TRPM3: variants seen among roughly 807,000 people sequenced by gnomAD.
TRPM3 encodes transient receptor potential cation channel subfamily M member 3, also known as long transient receptor potential channel 3.
TRPM3 carries 77 observed loss-of-function variants against 181.2 expected under a neutral mutation model. The observed-to-expected ratio is 0.42, with a 90% CI of 0.35 to 0.51. The LOEUF (loss-of-function observed/expected upper bound fraction) is 0.51, where lower values mean the gene tolerates loss of function less well. Ranked by LOEUF, TRPM3 falls within the 20% of genes least tolerant of loss-of-function variation. The pLI, the probability that TRPM3 is intolerant of heterozygous loss-of-function variation, is 0.01. For missense variants in TRPM3, 1,759 were observed against 2,196.7 expected (o/e 0.80, Z 3.98); for synonymous variants, 745 against 796.4 (o/e 0.94, Z 1.09).
intron 1 of TRPM3, among the ~76,000 whole-genome samples, chr9:71,242,285 G>A (rs2081751848): frequency 6.6e-6 from 1 of 152,122 alleles, no homozygotes; most frequent in African/African-American, 2.4e-5. Flanking sequence ...GCAGATGACG[G>A]CATGATCTAC....
chr9:71,048,138 A>G (rs1378606368), intron 1 of TRPM3, among the ~76,000 whole-genome samples: 1 of 152,230 alleles, frequency 6.6e-6, no homozygotes, highest in Admixed American at 6.5e-5. Flanking sequence ...TGGCAAAACC[A>G]CAATTACTTT....
chr9:71,446,543 T>C lies in TRPM3; in HGVS notation c.183+110A>G, dbSNP rs1282472826. The C allele has an allele frequency of 7.0e-6, 8 of 1,139,714 alleles. No individual in the cohort carries two copies. In the East Asian group the frequency reaches 1.4e-4, roughly 20 times the overall value. 70.6% of individuals were successfully genotyped at this position (1,139,714 alleles called of 1,614,324 possible). ...TTTCATTAGAAGCGGCGCCACAAGTTCCCTGGCTCTCACCCTTAGGGAGGC... is the reference window on the plus strand; with the variant it reads ...TTTCATTAGAAGCGGCGCCACAAGTCCCCTGGCTCTCACCCTTAGGGAGGC... On this transcript the variant is annotated intron_variant, in intron 1 of 24. Coordinates refer to the TRPM3 transcript ENST00000357533.
intron 1 of TRPM3, among the ~76,000 whole-genome samples, chr9:70,944,762 C>T (rs993435205): frequency 6.6e-6 from 1 of 152,006 alleles, no homozygotes; most frequent in Admixed American, 6.6e-5. Flanking sequence ...GCCAGAAGGA[C>T]AACATTTATA....
chr9:71,059,335 T>A (rs192076827), intron 1 of TRPM3, among the ~76,000 whole-genome samples: 1 of 151,980 alleles, frequency 6.6e-6, no homozygotes, highest in East Asian at 1.9e-4. Flanking sequence ...CAAGTCAGTA[T>A]AGTCTGGCTA....
chr9:71,400,623 AT>A (rs1403951972), intron 1 of TRPM3, among the ~76,000 whole-genome samples: 1 of 152,084 alleles, frequency 6.6e-6, no homozygotes, highest in Non-Finnish European at 1.5e-5. Context: ...AATTTTCAAA[AT>A]TAAATTTTTT....
intron 1 of TRPM3, among the ~76,000 whole-genome samples, chr9:71,031,736 C>T (rs2057327633): frequency 1.3e-5 from 2 of 150,796 alleles, no homozygotes; most frequent in South Asian, 4.2e-4. Flanking sequence ...AAGGCTGGAG[C>T]CATTGGGGTA....
intron 1 of TRPM3, among the ~76,000 whole-genome samples, chr9:71,348,521 T>G (rs551131290): frequency 9.1e-4 from 138 of 151,114 alleles, no homozygotes; most frequent in Non-Finnish European, 1.7e-3. Flanking sequence ...GTTTGGTAGT[T>G]GACTTTTCTG....
chr9:71,224,770 C>A (rs1352024283), intron 1 of TRPM3, among the ~76,000 whole-genome samples: 1 of 151,564 alleles, frequency 6.6e-6, no homozygotes, highest in Non-Finnish European at 1.5e-5. Context: ...CAGAGCAAGA[C>A]CCTGTCTCTA....
At chr9:71,106,445 C>G (rs2069594642) in intron 1 of TRPM3, among the ~76,000 whole-genome samples, 1 of 152,108 alleles carries the variant, frequency 6.6e-6, no homozygotes, top group Admixed American at 6.6e-5. Context: ...CACCTCCTCC[C>G]TCACTTTCTT....
At chr9:71,433,794 C>T (rs538163740) in intron 1 of TRPM3, among the ~76,000 whole-genome samples, 1 of 152,258 alleles carries the variant, frequency 6.6e-6, no homozygotes, top group South Asian at 2.1e-4. Flanking sequence ...CTTCACATCC[C>T]CTAGCTCTTT....
intron 9 of TRPM3, among the ~76,000 whole-genome samples, chr9:70,672,596 G>T (rs1056664376): frequency 6.6e-6 from 1 of 152,136 alleles, no homozygotes; most frequent in Non-Finnish European, 1.5e-5. Flanking sequence ...ATATTCCACT[G>T]ATGCTCTAAC....
chr9:70,888,697 C>G (rs530345716), intron 1 of TRPM3, among the ~76,000 whole-genome samples: 1 of 152,064 alleles, frequency 6.6e-6, no homozygotes, highest in Non-Finnish European at 1.5e-5. Context: ...TACTTTGGCT[C>G]AGCAGAGGTG....
chr9:70,883,178 A>G (rs2096024464), intron 1 of TRPM3, among the ~76,000 whole-genome samples: 1 of 152,086 alleles, frequency 6.6e-6, no homozygotes, highest in South Asian at 2.1e-4. Context: ...TCACCTCCAC[A>G]CCCATCCCCA....
chr9:70,971,644 G>A (rs767781538), intron 1 of TRPM3, among the ~76,000 whole-genome samples: 9 of 152,062 alleles, frequency 5.9e-5, no homozygotes, highest in Non-Finnish European at 1.2e-4. Flanking sequence ...TGTGCTCTAT[G>A]AAAAAATGAG....
intron 1 of TRPM3, among the ~76,000 whole-genome samples, chr9:70,923,959 CAT>C (rs551360285): frequency 2.0e-5 from 3 of 150,606 alleles, no homozygotes; most frequent in Non-Finnish European, 4.4e-5. Flanking sequence ...CACACACACA[CAT>C]ATATATATAC....
At chr9:71,158,231 T>A (rs35795507) in intron 1 of TRPM3, among the ~76,000 whole-genome samples, 29,934 of 152,058 alleles carry the variant, frequency 0.2, 3,082 homozygotes, top group African/African-American at 0.26. Context: ...CCCCAACAAC[T>A]CTGGAAGGTT....
Position 71,050,799 on chromosome 9 carries a change from C to T in TRPM3, c.177+70379G>A, listed in dbSNP as rs559349309. On this transcript the variant is annotated intron_variant, in intron 1 of 25. Transcript: ENST00000677713. ...CTGAATGAACTAACAGTAATCACAG[C>T]CCTCATCTTGGCCTCTCTTCAAATA... Among the ~76,000 whole-genome samples, 10 of 152,342 alleles carry T rather than the reference C, an allele frequency of 6.6e-5. No individual in the cohort carries two copies. In the South Asian group the frequency reaches 1.9e-3, roughly 28 times the overall value.
At chr9:70,537,488 C>T (rs542929041) in intron 25 of TRPM3, 83 bp from the exon 26 acceptor site, 1 of 1,272,852 alleles carries the variant, frequency 7.9e-7, no homozygotes, top group African/African-American at 1.5e-5. Flanking sequence ...GGGATCACAG[C>T]TGTGCCTGAC....
At chr9:71,398,012 C>T (rs903577785) in intron 1 of TRPM3, among the ~76,000 whole-genome samples, 2 of 152,150 alleles carry the variant, frequency 1.3e-5, no homozygotes, top group African/African-American at 2.4e-5. Flanking sequence ...CAGTTTAGAC[C>T]GTGCCATTTG....
Sources: gnomAD v4.1 joint callset for allele counts (sites outside exome capture counted in the v4.1 genomes callset) on GRCh38, gnomAD v4.1.1 for gene constraint, MANE v1.5 for transcripts, NCBI Gene and HGNC (gene_info 2026-07-23, HGNC 2026-07-21) for gene names.